EXOC4: variants seen among roughly 807,000 people sequenced by gnomAD.
EXOC4 encodes exocyst complex component 4, also known as SEC8-like 1.
Under a neutral mutation model 107.2 loss-of-function variants are expected in EXOC4, and 71 were observed. The observed-to-expected ratio is 0.66, with a 90% CI of 0.55 to 0.81. The LOEUF (loss-of-function observed/expected upper bound fraction) is 0.81, where lower values mean the gene tolerates loss of function less well. EXOC4 is among the 30% of genes least tolerant of loss of function. The pLI is 0.00. For missense variants in EXOC4, 1,108 were observed against 1,189.6 expected (o/e 0.93, Z 1.01); for synonymous variants, 456 against 441.2 (o/e 1.03, Z -0.42).
intron 17 of EXOC4, among the ~76,000 whole-genome samples, chr7:134,034,870 A>G (rs979796860): frequency 9.2e-5 from 14 of 152,210 alleles, no homozygotes; most frequent in African/African-American, 2.9e-4. Context: ...TTCGTGAATC[A>G]TCATGCAAAC....
intron 13 of EXOC4, chr7:133,930,428 A>G (rs1800150854): frequency 6.6e-6 from 1 of 152,218 alleles, no homozygotes. Context: ...ATTGTGTTCC[A>G]AGTCTACATA....
At chr7:133,919,277 T>C (rs1799883832) in intron 13 of EXOC4, among the ~76,000 whole-genome samples, 1 of 152,168 alleles carries the variant, frequency 6.6e-6, no homozygotes, top group Admixed American at 6.5e-5. Flanking sequence ...AGAGTTGCCA[T>C]AGATCCCCTT....
At chr7:133,313,449 C>T (rs1447361912) in intron 4 of EXOC4, among the ~76,000 whole-genome samples, 2 of 152,154 alleles carry the variant, frequency 1.3e-5, no homozygotes, top group African/African-American at 4.8e-5. Context: ...TTGACAAGTA[C>T]TGTGCCAGCT....
At chr7:133,848,421 G>A (rs563832249) in intron 11 of EXOC4, among the ~76,000 whole-genome samples, 2 of 152,216 alleles carry the variant, frequency 1.3e-5, no homozygotes, top group South Asian at 4.2e-4. Context: ...TACACTCAAG[G>A]GACATCATAT....
intron 1 of EXOC4, among the ~76,000 whole-genome samples, chr7:133,262,027 A>AT (rs1795165080): frequency 6.6e-6 from 1 of 152,100 alleles, no homozygotes; most frequent in South Asian, 2.1e-4. Flanking sequence ...AACCACCTTA[A>AT]TATGCAGTGT....
chr7:133,330,645 C>T (rs972229105), intron 5 of EXOC4, among the ~76,000 whole-genome samples: 5 of 111,666 alleles, frequency 4.5e-5, no homozygotes, highest in Middle Eastern at 4.8e-3. Flanking sequence ...CCTCACGGCA[C>T]GGCACAGTCC....
chr7:133,483,417 T>A (rs987464078), intron 9 of EXOC4, among the ~76,000 whole-genome samples: 1 of 152,218 alleles, frequency 6.6e-6, no homozygotes, highest in African/African-American at 2.4e-5. Flanking sequence ...CTGTATGTAA[T>A]TGAAAAACAT....
intron 7 of EXOC4, among the ~76,000 whole-genome samples, chr7:133,399,357 C>G (rs187624323): frequency 6.6e-6 from 1 of 152,134 alleles, no homozygotes; most frequent in Non-Finnish European, 1.5e-5. Context: ...ATATTTTTCA[C>G]AAAATTTCAT....
chr7:133,716,710 A>T (rs926266161), intron 10 of EXOC4, among the ~76,000 whole-genome samples: 1 of 152,210 alleles, frequency 6.6e-6, no homozygotes, highest in Admixed American at 6.5e-5. Flanking sequence ...TGGGAGGACA[A>T]GGCAGGCAGA....
chr7:133,837,715 C>T (rs1037348886), intron 11 of EXOC4, among the ~76,000 whole-genome samples: 2 of 152,166 alleles, frequency 1.3e-5, no homozygotes, highest in Non-Finnish European at 2.9e-5. Flanking sequence ...CTAATTCTAA[C>T]GTGGTTTTCA....
chr7:133,804,390 T>G (rs995602161), intron 10 of EXOC4, among the ~76,000 whole-genome samples: 1 of 152,182 alleles, frequency 6.6e-6, no homozygotes, highest in African/African-American at 2.4e-5. Flanking sequence ...CACTGTGCAT[T>G]CAGAACACTT....
intron 11 of EXOC4, among the ~76,000 whole-genome samples, chr7:133,830,548 A>G (rs1294365677): frequency 1.3e-5 from 2 of 152,226 alleles, no homozygotes; most frequent in Admixed American, 1.3e-4. Context: ...GTTTAGGGGT[A>G]GGGTACGTAA....
At chr7:133,471,134 G>A (rs771684769) in intron 7 of EXOC4, among the ~76,000 whole-genome samples, 5 of 152,028 alleles carry the variant, frequency 3.3e-5, no homozygotes, top group Admixed American at 6.6e-5. Context: ...AATTCTGGCC[G>A]GGTGTGCTGG....
At chr7:133,321,291 T>C (rs1473276617) in intron 5 of EXOC4, among the ~76,000 whole-genome samples, 1 of 152,156 alleles carries the variant, frequency 6.6e-6, no homozygotes, top group Non-Finnish European at 1.5e-5. Flanking sequence ...TTTTAAATTA[T>C]ACTTTAAGTT....
At chr7:133,485,069 G>A (rs1222936302) in intron 9 of EXOC4, among the ~76,000 whole-genome samples, 30 of 104,292 alleles carry the variant, frequency 2.9e-4, no homozygotes, top group African/African-American at 1.1e-3. Context: ...GACACAGCGA[G>A]ACTCCGTCTC....
At chr7:133,537,602 T>C (rs917262825) in intron 9 of EXOC4, among the ~76,000 whole-genome samples, 5 of 152,224 alleles carry the variant, frequency 3.3e-5, no homozygotes, top group Admixed American at 6.5e-5. Context: ...GTCAGATTCT[T>C]TGTTTTCTCC....
chr7:133,705,079 G>A (rs2151090673), intron 10 of EXOC4, among the ~76,000 whole-genome samples: 1 of 152,254 alleles, frequency 6.6e-6, no homozygotes, highest in South Asian at 2.1e-4. Flanking sequence ...AAAATTAAGA[G>A]AGAGGCAGGC....
chr7:133,723,459 G>C (rs1307384900), intron 10 of EXOC4, among the ~76,000 whole-genome samples: 1 of 150,156 alleles, frequency 6.7e-6, no homozygotes, highest in Admixed American at 6.7e-5. Flanking sequence ...TCTTGTACTT[G>C]ATGGGAGAAC....
At chr7:134,055,082 T>C (rs1259739775) in intron 17 of EXOC4, among the ~76,000 whole-genome samples, 1 of 152,210 alleles carries the variant, frequency 6.6e-6, no homozygotes, top group African/African-American at 2.4e-5. Flanking sequence ...TTTACATATG[T>C]TTACGCTTCT....
Sources: allele counts gnomAD v4.1 joint callset (sites outside exome capture counted in the v4.1 genomes callset), GRCh38; gene constraint gnomAD v4.1.1; transcripts MANE v1.5; gene names NCBI Gene and HGNC (gene_info 2026-07-23, HGNC 2026-07-21).